The following PDE4D variants were observed in gnomAD, a reference collection of about 807,000 sequenced individuals.
PDE4D encodes 3',5'-cyclic-AMP phosphodiesterase 4D.
In PDE4D, 24 loss-of-function variants were observed where a neutral mutation model predicts 87.4. The ratio of observed to expected loss-of-function variants is 0.27; its 90% CI spans 0.20 to 0.39. PDE4D has a LOEUF of 0.39. Among genes scored for constraint, PDE4D ranks in the 10% least tolerant of loss-of-function variants. The probability of loss-of-function intolerance (pLI) is 1.00; values close to 1 mark genes in which losing one functional copy is unlikely to be tolerated. For missense variants in PDE4D, 714 were observed against 1,041.0 expected (o/e 0.69, Z 4.32); for synonymous variants, 384 against 383.2 (o/e 1.00, Z -0.02).
intron 1 of PDE4D, among the ~76,000 whole-genome samples, chr5:59,772,346 AAGGC>A (rs1236837270): frequency 2.6e-5 from 4 of 152,230 alleles, no homozygotes; most frequent in African/African-American, 9.6e-5. Flanking sequence ...ACAGCCAAAT[AAGGC>A]CTCAGGTTTT....
intron 1 of PDE4D, among the ~76,000 whole-genome samples, chr5:60,236,461 C>A (rs1746440709): frequency 6.6e-6 from 1 of 151,824 alleles, no homozygotes; most frequent in South Asian, 2.1e-4. Context: ...CTGAAGAAGA[C>A]ATATGGATGG....
intron 1 of PDE4D, among the ~76,000 whole-genome samples, chr5:59,849,476 T>C (rs951363543): frequency 1.3e-5 from 2 of 152,002 alleles, no homozygotes; most frequent in African/African-American, 4.8e-5. Context: ...AAATTCATTG[T>C]TTATATCCAC....
intron 1 of PDE4D, among the ~76,000 whole-genome samples, chr5:59,615,404 A>G (rs1829537284): frequency 6.6e-6 from 1 of 152,174 alleles, no homozygotes; most frequent in African/African-American, 2.4e-5. Flanking sequence ...ATATCTCCCT[A>G]TGCCATTTTG....
intron 5 of PDE4D, among the ~76,000 whole-genome samples, chr5:59,172,416 C>T (rs1341058972): frequency 1.4e-5 from 2 of 140,596 alleles, no homozygotes; most frequent in African/African-American, 5.3e-5. Flanking sequence ...GGTTTCAGTC[C>T]AGGCTCTGTG....
intron 1 of PDE4D, among the ~76,000 whole-genome samples, chr5:59,771,548 A>G (rs1763579995): frequency 7.2e-6 from 1 of 139,504 alleles, no homozygotes; most frequent in Non-Finnish European, 1.5e-5. Context: ...GAAAGAAAGA[A>G]AGAAAAGAAA....
chr5:60,410,453 A>C (rs1184414401), intron 1 of PDE4D, among the ~76,000 whole-genome samples: 1 of 152,220 alleles, frequency 6.6e-6, no homozygotes, highest in Non-Finnish European at 1.5e-5. Flanking sequence ...TCTAAAATCA[A>C]TACATCAGAC....
intron 1 of PDE4D, among the ~76,000 whole-genome samples, chr5:59,459,466 G>A (rs187370925): frequency 2.6e-4 from 39 of 152,142 alleles, no homozygotes; most frequent in South Asian, 4.2e-4. Context: ...CCTAACTCTG[G>A]CAATTTAATA....
intron 1 of PDE4D, among the ~76,000 whole-genome samples, chr5:59,678,394 T>C (rs979596379): frequency 1.3e-5 from 2 of 152,174 alleles, no homozygotes; most frequent in African/African-American, 4.8e-5. Flanking sequence ...ATGTGTAGTT[T>C]TGTGACAAAT....
chr5:59,326,169 A>G (rs1775616262), intron 1 of PDE4D, among the ~76,000 whole-genome samples: 1 of 152,136 alleles, frequency 6.6e-6, no homozygotes, highest in Non-Finnish European at 1.5e-5. Flanking sequence ...CTAATGCTAG[A>G]TGACGAGTTA....
intron 1 of PDE4D, among the ~76,000 whole-genome samples, chr5:60,229,545 T>C (rs1745556616): frequency 1.3e-5 from 2 of 152,110 alleles, no homozygotes; most frequent in Admixed American, 1.3e-4. Context: ...GCTAGGAAAA[T>C]ATAAGTATCA....
intron 2 of PDE4D, among the ~76,000 whole-genome samples, chr5:59,199,144 G>A (rs974393348): frequency 6.6e-6 from 1 of 152,154 alleles, no homozygotes; most frequent in Admixed American, 6.6e-5. Flanking sequence ...TAGTGGCCAT[G>A]TAAGACCCAC....
chr5:59,624,526 G>A (rs1028517584), intron 1 of PDE4D, among the ~76,000 whole-genome samples: 4 of 152,174 alleles, frequency 2.6e-5, no homozygotes, highest in Admixed American at 1.3e-4. Context: ...CCACAGAGAC[G>A]CTGTGGCACA....
intron 5 of PDE4D, among the ~76,000 whole-genome samples, chr5:59,077,125 A>C (rs1231566911): frequency 6.6e-6 from 1 of 152,154 alleles, no homozygotes; most frequent in African/African-American, 2.4e-5. Flanking sequence ...TCTGGTCTCA[A>C]GTTTCTTGTC....
chr5:59,675,648 A>G (rs931354695), intron 1 of PDE4D, among the ~76,000 whole-genome samples: 2 of 152,146 alleles, frequency 1.3e-5, no homozygotes, highest in African/African-American at 4.8e-5. Context: ...ATCTTTAAAA[A>G]CAATAATAAT....
In PDE4D at chr5:59,111,597, A is replaced by G. The variant is rs1438601126; in HGVS notation, c.808+68998T>C. 2.0e-5 allele frequency among the ~76,000 whole-genome samples: 3 copies of G among 152,214 alleles called. No individual in the cohort carries two copies. The East Asian group carries it at 5.8e-4, about 29-fold the overall frequency. On this transcript the variant is annotated intron_variant, in intron 5 of 14. Transcript: ENST00000340635. Reference sequence around the variant, plus strand: ...AGCCATACTTTCTTTCTTTTAAAATACTGATAAAGTGTGGGATGTTTGAAT... The same window carrying G: ...AGCCATACTTTCTTTCTTTTAAAATGCTGATAAAGTGTGGGATGTTTGAAT...
chr5:60,318,537 C>T (rs1755867937), intron 1 of PDE4D, among the ~76,000 whole-genome samples: 1 of 152,166 alleles, frequency 6.6e-6, no homozygotes, highest in Non-Finnish European at 1.5e-5. Flanking sequence ...ATGATGTTAG[C>T]TGGTGATTTT....
chr5:59,193,652 T>C (rs1744807552), intron 2 of PDE4D, 116 bp from the exon 3 acceptor site: 1 of 1,510,588 alleles, frequency 6.6e-7, no homozygotes, highest in African/African-American at 1.4e-5. Flanking sequence ...TTACAGTGAT[T>C]CCATCCTTAT....
chr5:60,024,590 T>C (rs140123345), intron 2 of PDE4D, among the ~76,000 whole-genome samples: 1 of 152,218 alleles, frequency 6.6e-6, no homozygotes, highest in East Asian at 1.9e-4. Flanking sequence ...CACAGGGCAT[T>C]TGGTGATTTA....
At chr5:60,213,083 G>A (rs571537980) in intron 1 of PDE4D, among the ~76,000 whole-genome samples, 22 of 152,160 alleles carry the variant, frequency 1.4e-4, no homozygotes, top group Admixed American at 3.9e-4. Flanking sequence ...TGATGAATTG[G>A]TCCTCAACAT....
Sources: allele counts gnomAD v4.1 joint callset (sites outside exome capture counted in the v4.1 genomes callset), GRCh38; gene constraint gnomAD v4.1.1; transcripts MANE v1.5; gene names NCBI Gene and HGNC (gene_info 2026-07-23, HGNC 2026-07-21).